The following CSMD1 variants were observed in gnomAD, a reference collection of about 807,000 sequenced individuals.
The protein encoded by CSMD1 is CUB and Sushi multiple domains 1.
CSMD1 carries 213 observed loss-of-function variants against 417.5 expected under a neutral mutation model. The ratio of observed to expected loss-of-function variants is 0.51; its 90% CI spans 0.46 to 0.57. The LOEUF (loss-of-function observed/expected upper bound fraction) is 0.57. CSMD1 is among the 20% of genes least tolerant of loss of function. The pLI, the probability that CSMD1 is intolerant of heterozygous loss-of-function variation, is 0.00. For missense variants in CSMD1, 6,923 were observed against 4,529.7 expected, an observed-to-expected ratio of 1.53 and a Z score of -15.17; for synonymous variants, 2,862 against 1,736.8, an observed-to-expected ratio of 1.65 and a Z score of -16.11.
chr8:4,661,537 T>C (rs901328037), intron 1 of CSMD1, among the ~76,000 whole-genome samples: 2 of 152,160 alleles, frequency 1.3e-5, no homozygotes, highest in African/African-American at 4.8e-5. Context: ...AGGATCTTTG[T>C]AGTGATATAA....
chr8:4,305,878 G>A (rs940576217), intron 3 of CSMD1, among the ~76,000 whole-genome samples: 1 of 152,128 alleles, frequency 6.6e-6, no homozygotes, highest in Non-Finnish European at 1.5e-5. Context: ...GCTTACGTGT[G>A]TATATGCAAT....
chr8:4,446,927 G>C (rs779191237), intron 2 of CSMD1, among the ~76,000 whole-genome samples: 1 of 144,128 alleles, frequency 6.9e-6, no homozygotes, highest in East Asian at 2.0e-4. Context: ...GGCAGAGACC[G>C]TGTTTATTTA....
intron 16 of CSMD1, among the ~76,000 whole-genome samples, chr8:3,399,044 G>T (rs946653688): frequency 6.6e-6 from 1 of 152,104 alleles, no homozygotes; most frequent in Non-Finnish European, 1.5e-5. Context: ...AGACACCTAA[G>T]GGACCATGGG....
chr8:2,994,446 A>G (rs1439375687), intron 54 of CSMD1, among the ~76,000 whole-genome samples: 1 of 152,182 alleles, frequency 6.6e-6, no homozygotes, highest in Non-Finnish European at 1.5e-5. Flanking sequence ...TGTCATGCGG[A>G]CAACTCAGCC....
chr8:4,226,562 T>G (rs1368696390), intron 3 of CSMD1, among the ~76,000 whole-genome samples: 2 of 152,164 alleles, frequency 1.3e-5, no homozygotes, highest in South Asian at 2.1e-4. Context: ...TACCATAAGT[T>G]GAAAAAACTA....
rs1474230677 is a variant in CSMD1 at position 4,364,595 on chromosome 8, C to T, written c.415+55358G>A. 7.5e-4 allele frequency among the ~76,000 whole-genome samples: 13 copies of T among 17,220 alleles called. 6 individuals carry two copies. The highest frequency in any genetic ancestry group is 2.0e-3 in the African/African-American group (2 of 1,018). 11.3% of individuals were successfully genotyped at this position (17,220 alleles called of 152,430 possible). ...ATCCCAGCACTTTGGGAGGCCGAGG[C>T]GGGCGGATCACGAGGTCAGGAGATC... is the stretch of plus-strand genomic sequence containing the variant. On this transcript the variant is annotated intron_variant, in intron 3 of 69. Coordinates refer to ENST00000635120, the MANE Select transcript of CSMD1 (RefSeq NM_033225.6).
At chr8:3,442,704 A>T (rs1815063203) in intron 12 of CSMD1, among the ~76,000 whole-genome samples, 1 of 152,230 alleles carries the variant, frequency 6.6e-6, no homozygotes. Flanking sequence ...TGTTGTTGTT[A>T]AGCAATGCAT....
chr8:4,497,590 G>A (rs1802041907), intron 2 of CSMD1, among the ~76,000 whole-genome samples: 1 of 152,186 alleles, frequency 6.6e-6, no homozygotes, highest in African/African-American at 2.4e-5. Flanking sequence ...CATGGTGGAT[G>A]CTGCCATTTA....
intron 1 of CSMD1, among the ~76,000 whole-genome samples, chr8:4,988,046 TA>T (rs1385082209): frequency 6.6e-6 from 1 of 152,172 alleles, no homozygotes; most frequent in African/African-American, 2.4e-5. Context: ...AACTCCCCTT[TA>T]TATATACATT....
intron 12 of CSMD1, among the ~76,000 whole-genome samples, chr8:3,435,491 G>A (rs760480257): frequency 1.3e-5 from 2 of 151,956 alleles, no homozygotes; most frequent in Admixed American, 6.6e-5. Context: ...TCAGGCTTTT[G>A]GGCATTCCTG....
chr8:4,961,549 A>G (rs185278941), intron 1 of CSMD1, among the ~76,000 whole-genome samples: 1 of 152,300 alleles, frequency 6.6e-6, no homozygotes, highest in African/African-American at 2.4e-5. Flanking sequence ...TCCTCTTAGA[A>G]TTTTGAAGAC....
intron 5 of CSMD1, among the ~76,000 whole-genome samples, chr8:3,844,010 A>C (rs963442263): frequency 2.6e-5 from 4 of 152,188 alleles, no homozygotes; most frequent in African/African-American, 9.7e-5. Context: ...AGCACTGATA[A>C]TATGTAGTCA....
At chr8:4,290,266 G>C (rs1301587495) in intron 3 of CSMD1, among the ~76,000 whole-genome samples, 1 of 152,192 alleles carries the variant, frequency 6.6e-6, no homozygotes, top group East Asian at 1.9e-4. Flanking sequence ...ATGTTTGTTA[G>C]AAGAAAAGCA....
Position 3,359,684 on chromosome 8 carries a change from G to C in CSMD1, c.3116-344C>G, listed in dbSNP as rs376283894. Among the ~76,000 whole-genome samples the C allele has an allele frequency of 4.6e-5, 7 of 152,196 alleles. No individual in the cohort carries two copies. In the East Asian group the frequency reaches 7.7e-4, roughly 17 times the overall value. On this transcript the variant is annotated intron_variant, in intron 20 of 69. Coordinates refer to ENST00000635120, the MANE Select transcript of CSMD1 (RefSeq NM_033225.6). The stretch of plus-strand genomic sequence containing the variant: ...GAATATGTTCTAATACTTGATAGCA[G>C]AGTAAGGTGACTATAGTGAGTAATA...
At chr8:4,335,321 C>T (rs1800105050) in intron 3 of CSMD1, among the ~76,000 whole-genome samples, 1 of 152,112 alleles carries the variant, frequency 6.6e-6, no homozygotes. Context: ...GGATTTCAAC[C>T]TCGGACTTTT....
intron 3 of CSMD1, among the ~76,000 whole-genome samples, chr8:4,166,158 A>C (rs1797443978): frequency 6.6e-6 from 1 of 152,198 alleles, no homozygotes. Context: ...CATTATTTTA[A>C]ATTTGTAGTA....
At chr8:3,369,196 C>T (rs1374420663) in intron 19 of CSMD1, 58 bp downstream of exon 19, 7 of 815,246 alleles carry the variant, frequency 8.6e-6, no homozygotes, top group Middle Eastern at 4.5e-4. Context: ...TTGTTTTGTT[C>T]CCGTTTTTCT....
intron 2 of CSMD1, among the ~76,000 whole-genome samples, chr8:4,445,609 AG>A (rs1324045352): frequency 1.2e-4 from 18 of 152,198 alleles, no homozygotes; most frequent in African/African-American, 4.3e-4. Flanking sequence ...CTGTGTGTTC[AG>A]AGTCGAACTG....
At chr8:3,024,310 A>AGGGGGGGG in intron 51 of CSMD1, among the ~76,000 whole-genome samples, 1 of 102,846 alleles carries the variant, frequency 9.7e-6, no homozygotes, top group African/African-American at 3.9e-5. Context: ...GGGGGAGGGC[A>AGGGGGGGG]GTGGGGGAGG....
Sources: gnomAD v4.1 joint callset for allele counts (sites outside exome capture counted in the v4.1 genomes callset) on GRCh38, gnomAD v4.1.1 for gene constraint, MANE v1.5 for transcripts, NCBI Gene and HGNC (gene_info 2026-07-23, HGNC 2026-07-21) for gene names.